DOCK9: variants seen among roughly 807,000 people sequenced by gnomAD.
DOCK9 encodes dedicator of cytokinesis protein 9.
A neutral mutation model predicts 263.3 loss-of-function variants in DOCK9; 89 were observed. The ratio of observed to expected loss-of-function variants is 0.34; its 90% CI spans 0.28 to 0.40. DOCK9 has a LOEUF of 0.40. DOCK9 is among the 10% of genes least tolerant of loss of function. The pLI is 1.00. For missense variants in DOCK9, 2,140 were observed against 2,603.4 expected (o/e 0.82, Z 3.87); for synonymous variants, 976 against 973.1 (o/e 1.00, Z -0.06).
chr13:98,834,566 A>G (rs2092914766), intron 39 of DOCK9: 1 of 152,236 alleles, frequency 6.6e-6, no homozygotes, highest in South Asian at 2.1e-4. Context: ...GGCACTAAAA[A>G]TGGAACTGCT....
chr13:99,042,758 A>G (rs1241026319), intron 1 of DOCK9, among the ~76,000 whole-genome samples: 5 of 152,272 alleles, frequency 3.3e-5, no homozygotes. Context: ...TAAATGGGCC[A>G]AAGATTGTCC....
chr13:98,976,281 C>A (rs1449214364), intron 1 of DOCK9, among the ~76,000 whole-genome samples: 1 of 152,078 alleles, frequency 6.6e-6, no homozygotes, highest in African/African-American at 2.4e-5. Flanking sequence ...GGAAAAAGAC[C>A]CCCAGAGGAA....
chr13:98,988,926 C>T (rs1032486043), intron 1 of DOCK9, among the ~76,000 whole-genome samples: 4 of 152,152 alleles, frequency 2.6e-5, no homozygotes, highest in South Asian at 2.1e-4. Context: ...AGGACGGCAT[C>T]CCCATGTGCT....
intron 25 of DOCK9, 128 bp from the exon 26 acceptor site, chr13:98,880,800 A>G: frequency 1.6e-6 from 2 of 1,259,338 alleles, no homozygotes; most frequent in African/African-American, 1.5e-5. Flanking sequence ...GAAGGTGTGG[A>G]TACAAAGATG....
Position 98,797,438 on chromosome 13 carries a change from T to C in DOCK9, c.5968A>G (p.Thr1990Ala), listed in dbSNP as rs2089559340. 1 of 1,613,688 alleles carries C rather than the reference T, an allele frequency of 6.2e-7. No homozygotes were observed. The part of the protein sequence containing the change: ...YARAFLDDTN[T>A]KRYPDNKVKL... Reference sequence around the variant, plus strand: ...ACTTTATTGTCAGGATATCGCTTTGTGTTTGTATCATCTAAGAAAGCTCGC... The same window carrying C: ...ACTTTATTGTCAGGATATCGCTTTGCGTTTGTATCATCTAAGAAAGCTCGC... Residue 1990 changes from threonine to alanine, a missense_variant, in exon 51 of 53, where the codon ACA becomes GCA. By Grantham distance (58) the Thr-to-Ala change is moderately conservative. This residue lies in a region of DOCK9 where 619 missense variants were observed against 861.8 expected (regional missense o/e 0.72). Transcript: ENST00000682017.
chr13:99,049,992 T>C (rs1313086008), intron 1 of DOCK9, among the ~76,000 whole-genome samples: 1 of 152,226 alleles, frequency 6.6e-6, no homozygotes, highest in African/African-American at 2.4e-5. Flanking sequence ...AATTATGCTA[T>C]AGATTTAAAA....
chr13:98,888,131 G>C lies in DOCK9; in HGVS notation c.2043+27C>G, dbSNP rs373117692. ...AAAATGGAAAAATCAGAATTCGTAG[G>C]TGAACATATATTAAAAAAAAACAAA... is the stretch of plus-strand genomic sequence containing the variant. On this transcript the variant is annotated intron_variant, in intron 18 of 52. Coordinates refer to ENST00000682017, the MANE Select transcript of DOCK9 (RefSeq NM_001366683.2). The C allele has an allele frequency of 4.7e-6, 7 of 1,500,924 alleles. No individual in the cohort carries two copies. In the African/African-American group the frequency reaches 9.8e-5, roughly 21 times the overall value. The allele number at this position is 1,500,924 out of a possible 1,614,324, so 93.0% of individuals were successfully genotyped here.
rs2093923671 is a variant in DOCK9, at chr13:98,863,128, T to C, written c.3470A>G (p.His1157Arg). ...GTAGAGGGTGGCTATCCTTGCCTGA[T>C]GGCTCTGAAAAGAAGACACACATGG... is the stretch of plus-strand genomic sequence containing the variant. ...SFDDRYASRS[H>R]QARIATLYLP... The change falls in exon 32 of 53, where the codon CAT becomes CGT. Residue 1157 changes from histidine (H) to arginine (R), a missense_variant. By Grantham distance (29) the His-to-Arg change is conservative. Transcript: ENST00000682017. 6.2e-7 allele frequency: 1 copy of C among 1,603,354 alleles called. No individual in the cohort carries two copies. The highest frequency in any genetic ancestry group is 1.7e-5 in the Admixed American group (1 of 58,560).
intron 1 of DOCK9, among the ~76,000 whole-genome samples, chr13:99,056,119 T>C (rs903291565): frequency 5.3e-5 from 8 of 152,224 alleles, no homozygotes; most frequent in African/African-American, 1.7e-4. Context: ...TTAGTGAACA[T>C]AGAGAGTTTC....
At position 98,883,077 on chromosome 13, in the gene DOCK9, G is replaced by C. The variant is rs1251018350; in HGVS notation, c.2524C>G (p.Gln842Glu). Residue 842 changes from glutamine to glutamate, a missense_variant, in exon 23 of 53, where the codon CAA (glutamine) becomes GAA (glutamate). By Grantham distance (29) the Gln-to-Glu change is conservative. This residue lies in a region of DOCK9 where 1,521 missense variants were observed against 1,741.7 expected (regional missense o/e 0.87). Coordinates refer to ENST00000682017, the MANE Select transcript of DOCK9 (RefSeq NM_001366683.2). ...TTTACAAGTTCGTTTCCTAAGGCTT[G>C]GGCTCCAGATTCGGTTTTCTGACAG... ...QYCQKTESGAQALGNELVKYL... is the reference protein window; with the variant it reads ...QYCQKTESGAEALGNELVKYL... The C allele has an allele frequency of 1.2e-6, 2 of 1,613,852 alleles. No individual in the cohort carries two copies. Among genetic ancestry groups the C allele is most frequent in the African/African-American group, 1.3e-5 (1 of 75,018 alleles).
intron 45 of DOCK9, among the ~76,000 whole-genome samples, chr13:98,822,344 T>A (rs1034113309): frequency 6.6e-6 from 1 of 152,314 alleles, no homozygotes; most frequent in East Asian, 1.9e-4. Flanking sequence ...ATAATAACTA[T>A]CTCAGCCTGT....
chr13:98,800,230 A>G, intron 50 of DOCK9, 58 bp downstream of exon 50: 1 of 1,502,320 alleles, frequency 6.7e-7, no homozygotes, highest in Non-Finnish European at 8.9e-7. Flanking sequence ...ACGACTCTCA[A>G]GTCACCCAGG....
chr13:99,041,209 C>T (rs1313415094), intron 1 of DOCK9, among the ~76,000 whole-genome samples: 1 of 152,196 alleles, frequency 6.6e-6, no homozygotes, highest in African/African-American at 2.4e-5. Context: ...ACTGGCCAAG[C>T]ACAGTGGCTC....
At chr13:98,798,751 C>G (rs2139866274) in intron 50 of DOCK9, among the ~76,000 whole-genome samples, 1 of 152,272 alleles carries the variant, frequency 6.6e-6, no homozygotes, top group South Asian at 2.1e-4. Context: ...AAGTTAATTT[C>G]CTCTGGCTGC....
At chr13:99,079,640 G>A (rs995692030) in intron 1 of DOCK9, among the ~76,000 whole-genome samples, 6 of 152,084 alleles carry the variant, frequency 3.9e-5, no homozygotes, top group African/African-American at 1.2e-4. Flanking sequence ...ACTGAGACTC[G>A]GGCAACGTAT....
At chr13:98,971,102 C>T (rs1024854168) in intron 1 of DOCK9, among the ~76,000 whole-genome samples, 2 of 152,178 alleles carry the variant, frequency 1.3e-5, no homozygotes, top group African/African-American at 2.4e-5. Context: ...GAGTCCCAGA[C>T]CTTAGAGATT....
At chr13:98,885,970 AC>A in intron 19 of DOCK9, 139 bp from the exon 20 acceptor site, 1 of 718,318 alleles carries the variant, frequency 1.4e-6, no homozygotes, top group Non-Finnish European at 2.1e-6. Flanking sequence ...ACTCAAAGAT[AC>A]TGAGACTATA....
intron 1 of DOCK9, among the ~76,000 whole-genome samples, chr13:99,068,728 A>G (rs1229667044): frequency 6.6e-6 from 1 of 152,188 alleles, no homozygotes; most frequent in Non-Finnish European, 1.5e-5. Flanking sequence ...AAAAAATAAC[A>G]TAGAAGATTC....
chr13:98,955,412 G>A lies in DOCK9; in HGVS notation c.243+23C>T, dbSNP rs199609680. 1,490 of 1,495,726 alleles carry A rather than the reference G, an allele frequency of 1.0e-3. 1 individual carries two copies. The highest frequency in any genetic ancestry group is 1.3e-3 in the Non-Finnish European group (1,411 of 1,094,378). 92.7% of individuals were successfully genotyped at this position (1,495,726 alleles called of 1,614,324 possible). A position where few individuals can be genotyped will look rare whatever the true frequency, so the allele number is the denominator to read the frequency against. On this transcript the variant is annotated intron_variant, in intron 2 of 52. Transcript: ENST00000682017. The stretch of plus-strand genomic sequence containing the variant: ...TTAAGATCAAACACGTGGTTCTACG[G>A]ATAGAAACATAACGTTACTTACCTG...
Sources: gnomAD v4.1 joint callset for allele counts (sites outside exome capture counted in the v4.1 genomes callset) on GRCh38, gnomAD v4.1.1 for gene constraint, gnomAD v4.1.1 regional missense constraint, MANE v1.5 for transcripts, NCBI Gene and HGNC (gene_info 2026-07-23, HGNC 2026-07-21) for gene names.